The following ZNF385D variants were observed in gnomAD, a reference collection of about 807,000 sequenced individuals.
ZNF385D encodes zinc finger protein 385D.
A neutral mutation model predicts 35.8 loss-of-function variants in ZNF385D; 15 were observed. The ratio of observed to expected loss-of-function variants is 0.42; its 90% CI spans 0.28 to 0.64. The LOEUF (loss-of-function observed/expected upper bound fraction) is 0.64, where lower values mean the gene tolerates loss of function less well. Ranked by LOEUF, ZNF385D falls within the 30% of genes least tolerant of loss-of-function variation. The pLI is 0.23. For synonymous variants in ZNF385D, 212 were observed against 186.8 expected, an observed-to-expected ratio of 1.13 and a Z score of -1.10; for missense variants, 474 against 494.6, an observed-to-expected ratio of 0.96 and a Z score of 0.39.
chr3:22,111,781 G>A (rs1462514137), intron 3 of ZNF385D, among the ~76,000 whole-genome samples: 1 of 152,014 alleles, frequency 6.6e-6, no homozygotes, highest in Non-Finnish European at 1.5e-5. Context: ...CTTTTGCTTA[G>A]GACTCTTGTG....
At chr3:21,756,171 T>G (rs7652766), upstream of ZNF385D, among the ~76,000 whole-genome samples, 19,192 of 152,198 alleles carry the variant, frequency 0.13, 1,376 homozygotes, top group African/African-American at 0.18. Flanking sequence ...GCCTTTGTAG[T>G]AATCCAGGAA....
chr3:22,191,945 C>G (rs952735574), intron 2 of ZNF385D, among the ~76,000 whole-genome samples: 5 of 152,120 alleles, frequency 3.3e-5, no homozygotes, highest in Non-Finnish European at 5.9e-5. Flanking sequence ...ATTCATCTAA[C>G]AAAGCATGAT....
At chr3:21,635,521 C>G (rs2065401894) in intron 2 of ZNF385D, among the ~76,000 whole-genome samples, 1 of 150,306 alleles carries the variant, frequency 6.7e-6, no homozygotes, top group South Asian at 2.1e-4. Flanking sequence ...CAATGTAGTT[C>G]CAGAGTCACT....
At chr3:22,212,272 A>G (rs1166608545) in intron 2 of ZNF385D, among the ~76,000 whole-genome samples, 1 of 152,058 alleles carries the variant, frequency 6.6e-6, no homozygotes, top group Non-Finnish European at 1.5e-5. Context: ...TTTCTGCTGT[A>G]CCCATCTATC....
At chr3:21,697,107 T>C (rs2067497905) in intron 1 of ZNF385D, among the ~76,000 whole-genome samples, 1 of 152,146 alleles carries the variant, frequency 6.6e-6, no homozygotes, top group Non-Finnish European at 1.5e-5. Context: ...ACTGGCTGTG[T>C]GACTTAGGGA....
chr3:21,764,303 T>G (rs925976992), intron 3 of ZNF385D, among the ~76,000 whole-genome samples: 8 of 152,056 alleles, frequency 5.3e-5, no homozygotes, highest in African/African-American at 1.9e-4. Context: ...AGAAGTAGTT[T>G]GAAAGAAACT....
In ZNF385D at chr3:22,306,263, G is replaced by T. The variant is rs141567831; in HGVS notation, c.106+66187C>A. 2.4e-3 allele frequency among the ~76,000 whole-genome samples: 366 copies of T among 152,028 alleles called. 6 individuals carry two copies. Among genetic ancestry groups the T allele is most frequent in the African/African-American group, 8.2e-3 (342 of 41,470 alleles). On this transcript the variant is annotated intron_variant, in intron 2 of 5. Transcript: ENST00000494108. ...GAAGCCTAATCTTCTGGTTTTTCTGGCAAGTGAAGCTTCTCAGACTCTTGT... is the reference window on the plus strand; with the variant it reads ...GAAGCCTAATCTTCTGGTTTTTCTGTCAAGTGAAGCTTCTCAGACTCTTGT...
chr3:21,499,654 A>C (rs535309649), intron 4 of ZNF385D, among the ~76,000 whole-genome samples: 1 of 151,950 alleles, frequency 6.6e-6, no homozygotes, highest in Non-Finnish European at 1.5e-5. Flanking sequence ...TTGAAAAAAA[A>C]AAACCAAAAA....
intron 3 of ZNF385D, among the ~76,000 whole-genome samples, chr3:22,103,707 C>T (rs542302021): frequency 7.4e-6 from 1 of 135,096 alleles, no homozygotes; most frequent in Non-Finnish European, 1.7e-5. Flanking sequence ...CAAAGTCAGG[C>T]AAAAACAATG....
chr3:21,677,416 A>G (rs746023040), intron 1 of ZNF385D, among the ~76,000 whole-genome samples: 8 of 152,068 alleles, frequency 5.3e-5, no homozygotes, highest in Non-Finnish European at 1.0e-4. Context: ...TGTACAACTA[A>G]TTCCCATCCA....
At chr3:21,767,018 G>T (rs750224064) in intron 3 of ZNF385D, among the ~76,000 whole-genome samples, 2 of 151,974 alleles carry the variant, frequency 1.3e-5, no homozygotes. Context: ...AATGTAATTC[G>T]TTCCTTTCAT....
At chr3:22,100,454 C>T (rs1357609431) in intron 3 of ZNF385D, among the ~76,000 whole-genome samples, 10 of 151,270 alleles carry the variant, frequency 6.6e-5, no homozygotes, top group East Asian at 1.9e-4. Flanking sequence ...CAATGATAGA[C>T]TGGATTAAGA....
chr3:22,011,026 C>T lies in ZNF385D; in HGVS notation c.325+157791G>A, dbSNP rs190241978. 3.3e-3 allele frequency among the ~76,000 whole-genome samples: 504 copies of T among 152,116 alleles called. 1 individual carries two copies. Among genetic ancestry groups the T allele is most frequent in the Non-Finnish European group, 5.4e-3 (368 of 67,994 alleles). ...GATCATAATTGAAAAGGTTTTATTG[C>T]CAATATAACTCATTAAAGACATGAT... On this transcript the variant is annotated intron_variant, in intron 3 of 5. Coordinates refer to the ZNF385D transcript ENST00000494108.
intron 4 of ZNF385D, among the ~76,000 whole-genome samples, chr3:21,495,986 A>G (rs1705811018): frequency 6.6e-6 from 1 of 152,080 alleles, no homozygotes; most frequent in African/African-American, 2.4e-5. Flanking sequence ...CAATCTTCCA[A>G]GATTGAACAA....
At chr3:22,281,763 T>TAGGAAG (rs1701754589) in intron 2 of ZNF385D, among the ~76,000 whole-genome samples, 1 of 152,072 alleles carries the variant, frequency 6.6e-6, no homozygotes, top group Non-Finnish European at 1.5e-5. Flanking sequence ...CATAGAATGA[T>TAGGAAG]TTAGGAAGGA....
intron 3 of ZNF385D, among the ~76,000 whole-genome samples, chr3:22,014,815 C>G (rs1696783451): frequency 6.6e-6 from 1 of 151,958 alleles, no homozygotes; most frequent in East Asian, 1.9e-4. Flanking sequence ...ACAATAAATA[C>G]TAAAAATGGC....
intron 2 of ZNF385D, among the ~76,000 whole-genome samples, chr3:22,173,564 C>A (rs140342979): frequency 1.3e-5 from 2 of 152,134 alleles, no homozygotes; most frequent in African/African-American, 2.4e-5. Flanking sequence ...AACTTGTGTG[C>A]TCTGGGAAAG....
intron 3 of ZNF385D, among the ~76,000 whole-genome samples, chr3:21,520,890 C>G (rs1343163516): frequency 1.3e-5 from 2 of 152,144 alleles, no homozygotes; most frequent in African/African-American, 2.4e-5. Context: ...TATTTATGCT[C>G]TAAAACCAAT....
chr3:22,141,352 A>G (rs1263770769), intron 3 of ZNF385D, among the ~76,000 whole-genome samples: 1 of 152,214 alleles, frequency 6.6e-6, no homozygotes, highest in Non-Finnish European at 1.5e-5. Flanking sequence ...AAATAGAGCA[A>G]AATGACACAA....
Sources: gnomAD v4.1 joint callset for allele counts (sites outside exome capture counted in the v4.1 genomes callset) on GRCh38, gnomAD v4.1.1 for gene constraint, MANE v1.5 for transcripts, NCBI Gene and HGNC (gene_info 2026-07-23, HGNC 2026-07-21) for gene names.